The following ALK variants were observed in gnomAD, a reference collection of about 807,000 sequenced individuals.
The protein encoded by ALK is ALK receptor tyrosine kinase, also known as ALK tyrosine kinase receptor.
A neutral mutation model predicts 163.1 loss-of-function variants in ALK; 74 were observed. The observed-to-expected ratio is 0.45, with a 90% confidence interval of 0.38 to 0.55. The LOEUF is 0.55. ALK is among the 20% of genes least tolerant of loss of function. ALK has a pLI of 0.00. For missense variants in ALK, 2,063 were observed against 2,105.3 expected (o/e 0.98, Z 0.39); for synonymous variants, 960 against 843.2 (o/e 1.14, Z -2.40).
chr2:29,372,427 G>A (rs1041321078), intron 5 of ALK, among the ~76,000 whole-genome samples: 1 of 152,158 alleles, frequency 6.6e-6, no homozygotes, highest in African/African-American at 2.4e-5. Context: ...CATACCAATT[G>A]TTTGTATCAA....
intron 2 of ALK, among the ~76,000 whole-genome samples, chr2:29,704,630 A>G (rs542250453): frequency 6.6e-6 from 1 of 152,260 alleles, no homozygotes; most frequent in Non-Finnish European, 1.5e-5. Flanking sequence ...AGATGGCTCA[A>G]CTCACCTCCA....
intron 1 of ALK, among the ~76,000 whole-genome samples, chr2:29,746,463 G>A (rs1347533306): frequency 6.6e-6 from 1 of 152,172 alleles, no homozygotes; most frequent in Non-Finnish European, 1.5e-5. Context: ...ATACAAATAG[G>A]GAATGGTGCA....
chr2:29,434,002 G>C (rs143194061), intron 4 of ALK, among the ~76,000 whole-genome samples: 3 of 152,264 alleles, frequency 2.0e-5, no homozygotes, highest in East Asian at 3.9e-4. Context: ...TCTCTCAAGA[G>C]TTGGAACCAG....
At chr2:29,830,713 TAAAA>T (rs530774574) in intron 1 of ALK, among the ~76,000 whole-genome samples, 29 of 28,978 alleles carry the variant, frequency 1.0e-3, no homozygotes, top group African/African-American at 2.6e-3. Flanking sequence ...TAAAATAGTT[TAAAA>T]AAAAAAAAAA....
chr2:29,548,472 CA>C (rs1171656746), intron 3 of ALK, among the ~76,000 whole-genome samples: 432 of 125,584 alleles, frequency 3.4e-3, no homozygotes, highest in African/African-American at 4.3e-3. Context: ...GACTCGGTCT[CA>C]AAAAAAAAAA....
intron 3 of ALK, among the ~76,000 whole-genome samples, chr2:29,565,206 C>G (rs966689591): frequency 2.6e-5 from 4 of 152,158 alleles, no homozygotes; most frequent in African/African-American, 9.7e-5. Context: ...TCCATAAATG[C>G]TAGGAAAGAT....
At chr2:29,601,216 T>C (rs1390815088) in intron 3 of ALK, among the ~76,000 whole-genome samples, 1 of 152,168 alleles carries the variant, frequency 6.6e-6, no homozygotes, top group African/African-American at 2.4e-5. Context: ...AGCAGGAGCC[T>C]AGTGTTGCAG....
At chr2:29,546,546 G>T (rs1208794419) in intron 3 of ALK, among the ~76,000 whole-genome samples, 4 of 152,196 alleles carry the variant, frequency 2.6e-5, no homozygotes, top group Non-Finnish European at 4.4e-5. Context: ...ACGGAAGGGA[G>T]GGAGCTGGGC....
intron 1 of ALK, among the ~76,000 whole-genome samples, chr2:29,737,082 T>C (rs1392291542): frequency 6.6e-6 from 1 of 152,076 alleles, no homozygotes; most frequent in Non-Finnish European, 1.5e-5. Context: ...GTAAAAGCGT[T>C]TTGTAGAAAT....
intron 1 of ALK, among the ~76,000 whole-genome samples, chr2:29,805,855 C>T (rs1260230962): frequency 2.0e-5 from 3 of 152,128 alleles, no homozygotes; most frequent in Non-Finnish European, 4.4e-5. Flanking sequence ...CCTCTCCATC[C>T]CTGACTCTTC....
intron 8 of ALK, among the ~76,000 whole-genome samples, chr2:29,297,633 A>G (rs1666234656): frequency 6.6e-6 from 1 of 152,250 alleles, no homozygotes; most frequent in Non-Finnish European, 1.5e-5. Context: ...AAATCTACAT[A>G]TCAAGATCTT....
At chr2:29,862,611 GA>G (rs1305514889) in intron 1 of ALK, among the ~76,000 whole-genome samples, 4 of 152,084 alleles carry the variant, frequency 2.6e-5, no homozygotes, top group African/African-American at 9.6e-5. Flanking sequence ...ATTGATGAAA[GA>G]AATTAAATAA....
chr2:29,774,006 A>G (rs1681102257), intron 1 of ALK, among the ~76,000 whole-genome samples: 1 of 152,200 alleles, frequency 6.6e-6, no homozygotes, highest in South Asian at 2.1e-4. Flanking sequence ...GATATAAATA[A>G]GACCCTTGCC....
intron 4 of ALK, among the ~76,000 whole-genome samples, chr2:29,445,612 G>A (rs971055846): frequency 5.5e-5 from 8 of 145,962 alleles, no homozygotes; most frequent in Non-Finnish European, 1.0e-4. Flanking sequence ...CCTGAGATCA[G>A]GAGTTTGAGA....
intron 1 of ALK, among the ~76,000 whole-genome samples, chr2:29,916,233 G>C (rs1667829441): frequency 6.6e-6 from 1 of 152,172 alleles, no homozygotes; most frequent in Non-Finnish European, 1.5e-5. Flanking sequence ...AGGTTTCCCT[G>C]ATATCCAACC....
chr2:29,742,092 A>C (rs1680078159), intron 1 of ALK, among the ~76,000 whole-genome samples: 1 of 152,218 alleles, frequency 6.6e-6, no homozygotes. Flanking sequence ...AACTCATGAC[A>C]GCCTTCGCTT....
chr2:29,387,340 T>G lies in ALK; in HGVS notation c.1155-3481A>C, dbSNP rs920770480. On this transcript the variant is annotated intron_variant, in intron 4 of 28. Transcript: ENST00000389048. The stretch of plus-strand genomic sequence containing the variant: ...TATTCTGCCTCCAACTTTGCATGAA[T>G]TTTTTGAGAAAAACACGGACCAGCC... Among the ~76,000 whole-genome samples, 4 of 152,204 alleles carry G rather than the reference T, an allele frequency of 2.6e-5. No individual in the cohort carries two copies. In the South Asian group the frequency reaches 8.3e-4, roughly 32 times the overall value.
At chr2:29,738,949 T>C (rs910953969) in intron 1 of ALK, among the ~76,000 whole-genome samples, 1 of 152,022 alleles carries the variant, frequency 6.6e-6, no homozygotes, top group African/African-American at 2.4e-5. Context: ...AGAACATTAT[T>C]ATATTGGCTA....
At chr2:29,333,495 C>T (rs571223570) in intron 5 of ALK, among the ~76,000 whole-genome samples, 4 of 152,210 alleles carry the variant, frequency 2.6e-5, no homozygotes, top group Non-Finnish European at 4.4e-5. Flanking sequence ...TTAGGTTCTT[C>T]CTGTTTTCAT....
Sources: allele counts gnomAD v4.1 joint callset (sites outside exome capture counted in the v4.1 genomes callset), GRCh38; gene constraint gnomAD v4.1.1; transcripts MANE v1.5; gene names NCBI Gene and HGNC (gene_info 2026-07-23, HGNC 2026-07-21).